The following PIK3CB variants were observed in gnomAD, a reference collection of about 807,000 sequenced individuals.
The protein encoded by PIK3CB is phosphatidylinositol-4,5-bisphosphate 3-kinase catalytic subunit beta, also known as phosphatidylinositol 4,5-bisphosphate 3-kinase catalytic subunit beta isoform.
In PIK3CB, 39 loss-of-function variants were observed where a neutral mutation model predicts 136.8. That is an observed-to-expected ratio of 0.29 (90% confidence interval 0.22 to 0.37). The LOEUF is 0.37. PIK3CB is among the 10% of genes least tolerant of loss of function. The pLI, the probability that PIK3CB is intolerant of heterozygous loss-of-function variation, is 1.00. For synonymous variants in PIK3CB, 428 were observed against 436.6 expected, an observed-to-expected ratio of 0.98 and a Z score of 0.25; for missense variants, 868 against 1,275.4, an observed-to-expected ratio of 0.68 and a Z score of 4.87.
At position 138,662,010 on chromosome 3, in the gene PIK3CB, C is replaced by T. The variant is rs370409467; in HGVS notation, c.2796+1896G>A. On this transcript the variant is annotated intron_variant, in intron 21 of 23. Transcript: ENST00000674063. ...GTACCCCAGAATGCTATTACTCACA[C>T]GACTGTTCTCCCTTCTCCCATATAT... Among the ~76,000 whole-genome samples, 7 of 152,116 alleles carry T rather than the reference C, an allele frequency of 4.6e-5. No individual in the cohort carries two copies. In the East Asian group the frequency reaches 7.7e-4, roughly 17 times the overall value.
chr3:138,765,093 G>A (rs2045714907), intron 2 of PIK3CB, among the ~76,000 whole-genome samples: 1 of 152,144 alleles, frequency 6.6e-6, no homozygotes, highest in African/African-American at 2.4e-5. Flanking sequence ...ACTTTGGGAG[G>A]TGAATCACTT....
chr3:138,779,823 C>T (rs2045903929), intron 2 of PIK3CB, among the ~76,000 whole-genome samples: 1 of 152,024 alleles, frequency 6.6e-6, no homozygotes, highest in Non-Finnish European at 1.5e-5. Context: ...GCCACCATGC[C>T]TGGCCCAAGG....
At chr3:138,686,493 T>C (rs1463705173) in intron 16 of PIK3CB, among the ~76,000 whole-genome samples, 2 of 152,114 alleles carry the variant, frequency 1.3e-5, no homozygotes, top group Non-Finnish European at 2.9e-5. Context: ...AACTTTATTA[T>C]TTAATAACTG....
At position 138,672,612 on chromosome 3, in the gene PIK3CB, G is replaced by A. The variant is rs1391390471; in HGVS notation, c.2505-7409C>T. On this transcript the variant is annotated intron_variant, in intron 19 of 23. Coordinates refer to ENST00000674063, the MANE Select transcript of PIK3CB (RefSeq NM_006219.3). ...CCCAAGAACTAAAAAAGAACAATCT[G>A]AAAGAGACTTTAGGCTGGGCGTGGT... Among the ~76,000 whole-genome samples the A allele has an allele frequency of 2.0e-5, 3 of 152,250 alleles. No individual in the cohort carries two copies. The South Asian group carries it at 6.2e-4, about 32-fold the overall frequency.
At position 138,745,588 on chromosome 3, in the gene PIK3CB, G is replaced by A. The variant is rs184004655; in HGVS notation, c.398-2807C>T. Among the ~76,000 whole-genome samples the A allele has an allele frequency of 2.6e-3, 398 of 152,098 alleles. 6 individuals are homozygous for A. Among genetic ancestry groups the A allele is most frequent in the African/African-American group, 9.2e-3 (381 of 41,484 alleles). On this transcript the variant is annotated intron_variant, in intron 4 of 23. Coordinates refer to ENST00000674063, the MANE Select transcript of PIK3CB (RefSeq NM_006219.3). Reference sequence around the variant, plus strand: ...GCGGAGGTTGCAGTAAGCCAAGATCGCACCCCTGCACTGCAGCCTGGGCGA... The same window carrying A: ...GCGGAGGTTGCAGTAAGCCAAGATCACACCCCTGCACTGCAGCCTGGGCGA...
intron 10 of PIK3CB, among the ~76,000 whole-genome samples, chr3:138,708,462 T>C (rs1404710196): frequency 6.6e-6 from 1 of 151,922 alleles, no homozygotes; most frequent in Non-Finnish European, 1.5e-5. Flanking sequence ...GGTTTCACCA[T>C]GTTACCCAGG....
chr3:138,800,573 T>C (rs1313998559), intron 1 of PIK3CB, among the ~76,000 whole-genome samples: 1 of 122,920 alleles, frequency 8.1e-6, no homozygotes, highest in Non-Finnish European at 1.9e-5. Flanking sequence ...CACCTCAGGC[T>C]CTGAAAGTGC....
At chr3:138,799,121 C>G (rs1221746604) in intron 1 of PIK3CB, among the ~76,000 whole-genome samples, 3 of 151,590 alleles carry the variant, frequency 2.0e-5, no homozygotes, top group African/African-American at 4.9e-5. Context: ...ACTCGGGAGG[C>G]TGAGGCTATG....
chr3:138,662,476 A>G (rs368023253), intron 21 of PIK3CB, among the ~76,000 whole-genome samples: 3 of 150,768 alleles, frequency 2.0e-5, no homozygotes, highest in African/African-American at 7.3e-5. Context: ...ATTCCATGGT[A>G]TATATGTGCC....
intron 4 of PIK3CB, among the ~76,000 whole-genome samples, chr3:138,745,003 T>C (rs988692570): frequency 2.0e-5 from 3 of 152,248 alleles, no homozygotes; most frequent in African/African-American, 7.2e-5. Context: ...CTGTTGTCAA[T>C]CCTGTGAAGT....
At chr3:138,681,042 T>C (rs930215663) in intron 19 of PIK3CB, among the ~76,000 whole-genome samples, 1 of 134,988 alleles carries the variant, frequency 7.4e-6, no homozygotes, top group Admixed American at 7.4e-5. Context: ...TTCATGTTAG[T>C]TTTTTTTTTG....
At chr3:138,695,011 C>G in intron 13 of PIK3CB, 104 bp from the exon 14 acceptor site, 1 of 1,096,612 alleles carries the variant, frequency 9.1e-7, no homozygotes, top group Non-Finnish European at 1.3e-6. Flanking sequence ...AGGCAAAGCT[C>G]ACTTTTAATT....
intron 15 of PIK3CB, among the ~76,000 whole-genome samples, chr3:138,689,325 G>GTCCCTCCCCT (rs1371058090): frequency 2.0e-5 from 3 of 152,324 alleles, no homozygotes; most frequent in African/African-American, 4.8e-5. Context: ...GGAAATGCTG[G>GTCCCTCCCCT]TCCCTCCCCT....
intron 1 of PIK3CB, among the ~76,000 whole-genome samples, chr3:138,804,873 A>G (rs2046214674): frequency 6.6e-6 from 1 of 152,004 alleles, no homozygotes. Flanking sequence ...AAATACAAAA[A>G]AATTAGCTGG....
chr3:138,830,457 G>A (rs1213721580), intron 1 of PIK3CB, among the ~76,000 whole-genome samples: 3 of 152,038 alleles, frequency 2.0e-5, no homozygotes, highest in African/African-American at 7.2e-5. Context: ...GGAGGCTGAG[G>A]CAGGATAATT....
intron 1 of PIK3CB, chr3:138,797,109 A>T (rs1213006200): frequency 6.2e-6 from 1 of 160,996 alleles, no homozygotes; most frequent in Non-Finnish European, 1.4e-5. Flanking sequence ...CAGATGAAAC[A>T]AGCTGTGAAG....
intron 16 of PIK3CB, among the ~76,000 whole-genome samples, chr3:138,687,210 C>T (rs1304970013): frequency 7.2e-6 from 1 of 138,814 alleles, no homozygotes. Context: ...TAAAGTCTTC[C>T]TCTCACAATT....
At chr3:138,809,506 T>C (rs2046270287) in intron 1 of PIK3CB, among the ~76,000 whole-genome samples, 1 of 147,534 alleles carries the variant, frequency 6.8e-6, no homozygotes, top group African/African-American at 2.5e-5. Context: ...CTCAGGAGGC[T>C]GAGGCAGGAG....
In PIK3CB at chr3:138,689,685, A is replaced by T. The variant is rs938235603; in HGVS notation, c.2037-711T>A. On this transcript the variant is annotated intron_variant, in intron 15 of 23. Transcript: ENST00000674063. ...ATATTCTATAATTAGTTAATACTTCAAAGTTCAAAAGCTATGATATTCTAT... is the reference window on the plus strand; with the variant it reads ...ATATTCTATAATTAGTTAATACTTCTAAGTTCAAAAGCTATGATATTCTAT... Among the ~76,000 whole-genome samples the T allele has an allele frequency of 7.9e-5, 12 of 152,382 alleles. 1 individual carries two copies. The highest frequency in any genetic ancestry group is 7.8e-4 in the Admixed American group (12 of 15,300).
Sources: allele counts gnomAD v4.1 joint callset (sites outside exome capture counted in the v4.1 genomes callset), GRCh38; gene constraint gnomAD v4.1.1; transcripts MANE v1.5; gene names NCBI Gene and HGNC (gene_info 2026-07-23, HGNC 2026-07-21).